The following ARHGAP42 variants were observed in gnomAD, a reference collection of about 807,000 sequenced individuals.
ARHGAP42 encodes rho GTPase-activating protein 42.
ARHGAP42 carries 63 observed loss-of-function variants against 125.0 expected under a neutral mutation model. The ratio of observed to expected loss-of-function variants is 0.50; its 90% confidence interval spans 0.41 to 0.62. The LOEUF (loss-of-function observed/expected upper bound fraction) is 0.62, where lower values mean the gene tolerates loss of function less well. Among genes scored for constraint, ARHGAP42 ranks in the 20% least tolerant of loss-of-function variants. The pLI, the probability that ARHGAP42 is intolerant of heterozygous loss-of-function variation, is 0.00. For missense variants in ARHGAP42, 766 were observed against 1,024.2 expected (o/e 0.75, Z 3.44); for synonymous variants, 339 against 351.0 (o/e 0.97, Z 0.38).
chr11:100,771,607 T>C (rs901867102), intron 2 of ARHGAP42, among the ~76,000 whole-genome samples: 3 of 152,114 alleles, frequency 2.0e-5, no homozygotes, highest in African/African-American at 7.2e-5. Flanking sequence ...TCTGGAATTT[T>C]TTTTTTTTTG....
chr11:100,945,589 G>T (rs1867994871), intron 10 of ARHGAP42, among the ~76,000 whole-genome samples: 1 of 151,994 alleles, frequency 6.6e-6, no homozygotes, highest in South Asian at 2.1e-4. Context: ...GTGTCAGCAG[G>T]CATGAATATA....
At chr11:100,699,207 T>C (rs1186508104) in intron 1 of ARHGAP42, among the ~76,000 whole-genome samples, 1 of 151,976 alleles carries the variant, frequency 6.6e-6, no homozygotes, top group Non-Finnish European at 1.5e-5. Flanking sequence ...AACATCAGAC[T>C]CAATCTGTCA....
intron 17 of ARHGAP42, among the ~76,000 whole-genome samples, chr11:100,972,353 T>C (rs1858270118): frequency 6.6e-6 from 1 of 152,208 alleles, no homozygotes; most frequent in Non-Finnish European, 1.5e-5. Flanking sequence ...ATTAGTGAAC[T>C]AGTCAAAGTC....
At chr11:100,714,303 C>G (rs1053249201) in intron 1 of ARHGAP42, among the ~76,000 whole-genome samples, 3 of 152,050 alleles carry the variant, frequency 2.0e-5, no homozygotes, top group East Asian at 3.9e-4. Flanking sequence ...TTTCATATTC[C>G]TAATTCTACT....
chr11:100,778,366 AT>A (rs966852776), intron 2 of ARHGAP42, among the ~76,000 whole-genome samples: 22 of 152,312 alleles, frequency 1.4e-4, no homozygotes, highest in Middle Eastern at 3.4e-3. Flanking sequence ...CAAAAAAAAA[AT>A]ATCCATCATT....
chr11:100,939,577 C>A (rs1355777689), intron 8 of ARHGAP42, among the ~76,000 whole-genome samples: 1 of 152,090 alleles, frequency 6.6e-6, no homozygotes, highest in Non-Finnish European at 1.5e-5. Context: ...AATATGGGCA[C>A]TTAGTAGGTA....
At chr11:100,897,179 G>A (rs551176877) in intron 4 of ARHGAP42, among the ~76,000 whole-genome samples, 26 of 152,282 alleles carry the variant, frequency 1.7e-4, no homozygotes, top group African/African-American at 5.3e-4. Context: ...TGAGGTCTCT[G>A]TTCTGTTCCA....
intron 1 of ARHGAP42, among the ~76,000 whole-genome samples, chr11:100,704,600 C>T (rs1158324249): frequency 1.3e-5 from 2 of 151,570 alleles, no homozygotes; most frequent in South Asian, 2.1e-4. Flanking sequence ...GTGATATCCA[C>T]CGGTAAGAGG....
intron 3 of ARHGAP42, among the ~76,000 whole-genome samples, chr11:100,833,709 T>C (rs2135098192): frequency 6.6e-6 from 1 of 152,302 alleles, no homozygotes; most frequent in Non-Finnish European, 1.5e-5. Flanking sequence ...AGGAAGAGCC[T>C]GACTTATCGC....
In ARHGAP42 at chr11:100,984,377, T is replaced by C. The variant is rs148671752; in HGVS notation, c.2457-3136T>C. 9.4e-4 allele frequency among the ~76,000 whole-genome samples: 143 copies of C among 151,790 alleles called. 2 individuals are homozygous for C. The highest frequency in any genetic ancestry group is 3.1e-3 in the African/African-American group (130 of 41,520). ...CTCTACTGATGAATACTTAAGATTG[T>C]TGTGATTTTTAAAAATTTCCACTTT... On this transcript the variant is annotated intron_variant, in intron 22 of 23. Coordinates refer to ENST00000298815, the MANE Select transcript of ARHGAP42 (RefSeq NM_152432.4).
rs184229553 is a variant in ARHGAP42 at position 100,976,959 on chromosome 11, G to A, written c.2381G>A (p.Arg794Gln). Reference protein sequence around the residue: ...LDTASSNGYQRPGSVVAAKAQ... With the variant: ...LDTASSNGYQQPGSVVAAKAQ... Reference sequence around the variant, plus strand: ...ACTGCCTCAAGCAATGGCTATCAGCGGCCTGGCTCAGTGTAAGTGAGCGTT... The same window carrying A: ...ACTGCCTCAAGCAATGGCTATCAGCAGCCTGGCTCAGTGTAAGTGAGCGTT... The change falls in exon 21 of 24, where the codon CGG becomes CAG. Residue 794 changes from arginine to glutamine, a missense_variant. Arg to Gln is a conservative substitution (Grantham distance 43, BLOSUM62 1). Around this residue, in one of 3 missense-constraint regions of ARHGAP42, gnomAD observed 308 missense variants for 369.7 expected, o/e 0.83. Transcript: ENST00000298815. 1.7e-5 allele frequency: 26 copies of A among 1,551,326 alleles called. No homozygotes were observed. In the East Asian group the frequency reaches 4.4e-4, roughly 26 times the overall value.
At chr11:100,820,457 A>G (rs751509226) in intron 3 of ARHGAP42, among the ~76,000 whole-genome samples, 1 of 152,176 alleles carries the variant, frequency 6.6e-6, no homozygotes, top group Non-Finnish European at 1.5e-5. Context: ...AAAAGAAGGC[A>G]TCTCTTCAGA....
chr11:100,842,774 A>G (rs1313810025), intron 3 of ARHGAP42, among the ~76,000 whole-genome samples: 4 of 152,190 alleles, frequency 2.6e-5, no homozygotes, highest in South Asian at 4.1e-4. Flanking sequence ...GAACTGAACA[A>G]CAATAGTGAC....
chr11:100,696,505 C>A (rs11224392), intron 1 of ARHGAP42, among the ~76,000 whole-genome samples: 3,999 of 151,748 alleles, frequency 0.026, 57 homozygotes, highest in Middle Eastern at 0.038. Context: ...AGGTGTGCAC[C>A]ACCACGCCCA....
chr11:100,931,694 A>G (rs1867587079), intron 6 of ARHGAP42, among the ~76,000 whole-genome samples: 5 of 152,184 alleles, frequency 3.3e-5, no homozygotes, highest in Admixed American at 2.6e-4. Flanking sequence ...GGATGTTCAG[A>G]AGACTACTGT....
At chr11:100,940,320 T>C (rs1207471646) in intron 8 of ARHGAP42, among the ~76,000 whole-genome samples, 1 of 152,144 alleles carries the variant, frequency 6.6e-6, no homozygotes, top group Non-Finnish European at 1.5e-5. Context: ...AACATGTGCA[T>C]AGTAGCTGCT....
chr11:100,792,440 GA>G (rs1863587888), intron 2 of ARHGAP42, among the ~76,000 whole-genome samples: 1 of 152,114 alleles, frequency 6.6e-6, no homozygotes, highest in Non-Finnish European at 1.5e-5. Context: ...AGACTATGTT[GA>G]ACTTTTAGTC....
rs879935150 is a variant in ARHGAP42, at chr11:100,977,068, A to T, written c.2393+97A>T. 1.6e-5 allele frequency: 22 copies of T among 1,366,014 alleles called. No individual in the cohort carries two copies. The Admixed American group carries it at 4.6e-4, about 28-fold the overall frequency. 84.6% of individuals were successfully genotyped at this position (1,366,014 alleles called of 1,614,324 possible). On this transcript the variant is annotated intron_variant, in intron 21 of 23. Coordinates refer to ENST00000298815, the MANE Select transcript of ARHGAP42 (RefSeq NM_152432.4). ...CTTGGGAATCCCACAAGTTGAATAC[A>T]TTGGGAATACTTTATCTGTAGAGTG...
intron 1 of ARHGAP42, among the ~76,000 whole-genome samples, chr11:100,745,174 G>A (rs1169406926): frequency 6.6e-6 from 1 of 152,164 alleles, no homozygotes; most frequent in African/African-American, 2.4e-5. Flanking sequence ...TGCTTTACGA[G>A]GAAGTTAAGT....
Sources: gnomAD v4.1 joint callset for allele counts (sites outside exome capture counted in the v4.1 genomes callset) on GRCh38, gnomAD v4.1.1 for gene constraint, gnomAD v4.1.1 regional missense constraint, MANE v1.5 for transcripts, NCBI Gene and HGNC (gene_info 2026-07-23, HGNC 2026-07-21) for gene names.